LRRC1: variants seen among roughly 807,000 people sequenced by gnomAD.
LRRC1 encodes leucine-rich repeat-containing protein 1.
In LRRC1, 28 loss-of-function variants were observed where a neutral mutation model predicts 69.9. The observed-to-expected ratio is 0.40, with a 90% CI of 0.30 to 0.55. The LOEUF (loss-of-function observed/expected upper bound fraction) is 0.55. LRRC1 is among the 20% of genes least tolerant of loss of function. LRRC1 has a pLI of 0.47. For synonymous variants in LRRC1, 236 were observed against 240.2 expected (o/e 0.98, Z 0.16); for missense variants, 498 against 609.0 (o/e 0.82, Z 1.92).
intron 2 of LRRC1, among the ~76,000 whole-genome samples, chr6:53,853,550 G>A (rs1020399025): frequency 3.7e-4 from 57 of 152,156 alleles, no homozygotes; most frequent in African/African-American, 1.4e-3. Context: ...CTCCCAAAGT[G>A]CTGGGATTAC....
rs2127443421 is a variant in LRRC1, at chr6:53,920,655, A to G, written c.1310A>G (p.Asn437Ser). The change falls in exon 13 of 14, where the codon AAC becomes AGC. Residue 437 changes from asparagine to serine, a missense_variant. By Grantham distance (46) the Asn-to-Ser change is conservative (BLOSUM62 1). Coordinates refer to ENST00000370888, the MANE Select transcript of LRRC1 (RefSeq NM_018214.5). ...CTGCCTCGCTGTGGTGCACTGGAGA[A>G]CTTGGTAAATGATGTCTCTGATGAA... ...ENLPRCGALE[N>S]LVNDVSDEAW... The G allele has an allele frequency of 6.2e-7, 1 of 1,614,180 alleles. No individual in the cohort carries two copies. The highest frequency in any genetic ancestry group is 8.5e-7 in the Non-Finnish European group (1 of 1,180,032).
At chr6:53,908,485 G>T (rs1465437625) in intron 10 of LRRC1, among the ~76,000 whole-genome samples, 1 of 151,998 alleles carries the variant, frequency 6.6e-6, no homozygotes, top group African/African-American at 2.4e-5. Context: ...AATTCTTTCA[G>T]TATAAGTTTC....
intron 13 of LRRC1, among the ~76,000 whole-genome samples, chr6:53,921,842 A>G (rs762276063): frequency 1.3e-5 from 2 of 152,198 alleles, no homozygotes; most frequent in Non-Finnish European, 2.9e-5. Context: ...AGGGATGACA[A>G]AATCACTCAC....
intron 3 of LRRC1, 74 bp from the exon 4 acceptor site, chr6:53,882,810 CATT>C: frequency 1.2e-6 from 1 of 810,390 alleles, no homozygotes; most frequent in East Asian, 2.7e-5. Flanking sequence ...TAGAATAAAT[CATT>C]ATATTTATGC....
chr6:53,882,191 T>C (rs928215327), intron 3 of LRRC1, among the ~76,000 whole-genome samples: 2 of 152,096 alleles, frequency 1.3e-5, no homozygotes, highest in Admixed American at 6.5e-5. Context: ...TACTTAAAAA[T>C]ACAAAAATTA....
intron 2 of LRRC1, among the ~76,000 whole-genome samples, chr6:53,843,992 A>G (rs1765864737): frequency 1.3e-5 from 2 of 152,180 alleles, no homozygotes; most frequent in Admixed American, 6.5e-5. Flanking sequence ...AGCCACCCTA[A>G]AGGTTGGCTG....
intron 1 of LRRC1, among the ~76,000 whole-genome samples, chr6:53,812,973 A>G (rs1035432072): frequency 2.6e-5 from 4 of 151,992 alleles, no homozygotes; most frequent in Non-Finnish European, 5.9e-5. Flanking sequence ...CAGGCTTAGA[A>G]TAGAGAAAGG....
At chr6:53,842,379 C>T in intron 2 of LRRC1, 152 bp downstream of exon 2, 1 of 580,706 alleles carries the variant, frequency 1.7e-6, no homozygotes, top group Admixed American at 2.8e-5. Flanking sequence ...TCATCCATGT[C>T]CCAAATATAG....
chr6:53,888,882 T>C (rs1322138261), intron 4 of LRRC1, among the ~76,000 whole-genome samples: 2 of 152,180 alleles, frequency 1.3e-5, no homozygotes, highest in East Asian at 3.8e-4. Flanking sequence ...ATTTAAAACT[T>C]GTGTGCATCA....
At chr6:53,831,945 T>C (rs924659242) in intron 1 of LRRC1, among the ~76,000 whole-genome samples, 2 of 152,208 alleles carry the variant, frequency 1.3e-5, no homozygotes, top group African/African-American at 2.4e-5. Flanking sequence ...TCAGGACTTA[T>C]CAGTGTTGCC....
chr6:53,815,318 G>T (rs993391293), intron 1 of LRRC1, among the ~76,000 whole-genome samples: 10 of 152,082 alleles, frequency 6.6e-5, no homozygotes, highest in Non-Finnish European at 1.3e-4. Context: ...AAAGCTACTT[G>T]TCATCTCCGA....
chr6:53,816,646 A>C (rs772262506), intron 1 of LRRC1, among the ~76,000 whole-genome samples: 2 of 152,192 alleles, frequency 1.3e-5, no homozygotes, highest in East Asian at 3.9e-4. Flanking sequence ...ATCACAGGTT[A>C]AAGTTTCTTA....
At chr6:53,852,613 C>A (rs1378505692) in intron 2 of LRRC1, among the ~76,000 whole-genome samples, 1 of 152,118 alleles carries the variant, frequency 6.6e-6, no homozygotes, top group African/African-American at 2.4e-5. Context: ...AGTGATGGAC[C>A]TGAGATAAGG....
At chr6:53,797,548 C>A (rs920263381) in intron 1 of LRRC1, among the ~76,000 whole-genome samples, 1 of 152,166 alleles carries the variant, frequency 6.6e-6, no homozygotes, top group African/African-American at 2.4e-5. Flanking sequence ...GCTCCAAACC[C>A]CTGTCTCCTT....
chr6:53,888,964 T>C (rs1767584706), intron 4 of LRRC1, among the ~76,000 whole-genome samples: 1 of 152,194 alleles, frequency 6.6e-6, no homozygotes, highest in Admixed American at 6.5e-5. Context: ...ATATATCTTA[T>C]CAGAGTCTAG....
intron 2 of LRRC1, among the ~76,000 whole-genome samples, chr6:53,848,078 C>T (rs1419679578): frequency 6.6e-6 from 1 of 152,176 alleles, no homozygotes; most frequent in African/African-American, 2.4e-5. Context: ...TCATACATTA[C>T]AGTAGGAGAG....
chr6:53,844,934 G>A (rs1428432915), intron 2 of LRRC1, among the ~76,000 whole-genome samples: 1 of 152,206 alleles, frequency 6.6e-6, no homozygotes, highest in Non-Finnish European at 1.5e-5. Flanking sequence ...GCTGGGTGCG[G>A]TGGCTCACGC....
intron 1 of LRRC1, among the ~76,000 whole-genome samples, chr6:53,820,593 G>T (rs1035416695): frequency 6.6e-6 from 1 of 151,142 alleles, no homozygotes; most frequent in East Asian, 1.9e-4. Flanking sequence ...TAACCTCCCC[G>T]CCCCCATTTT....
At chr6:53,900,173 G>A (rs541714120) in intron 8 of LRRC1, among the ~76,000 whole-genome samples, 88 of 151,942 alleles carry the variant, frequency 5.8e-4, no homozygotes, top group African/African-American at 1.7e-3. Context: ...GAATAGCTGG[G>A]ACCACAGGCG....
Sources: gnomAD v4.1 joint callset for allele counts (sites outside exome capture counted in the v4.1 genomes callset) on GRCh38, gnomAD v4.1.1 for gene constraint, MANE v1.5 for transcripts, NCBI Gene and HGNC (gene_info 2026-07-23, HGNC 2026-07-21) for gene names.